Variants in RDH11 observed in about 807,000 individuals in gnomAD.
RDH11 encodes retinol dehydrogenase 11, also known as HCV core-binding protein HCBP12.
RDH11 carries 19 observed loss-of-function variants against 33.4 expected under a neutral mutation model. The observed-to-expected ratio is 0.57, with a 90% CI of 0.40 to 0.83. RDH11 has a LOEUF of 0.83. RDH11 is among the 40% of genes least tolerant of loss of function. RDH11 has a pLI of 0.00. For missense variants in RDH11, 353 were observed against 389.0 expected, an observed-to-expected ratio of 0.91 and a Z score of 0.78; for synonymous variants, 154 against 155.3, an observed-to-expected ratio of 0.99 and a Z score of 0.06.
Position 67,690,341 on chromosome 14 carries a change from C to A in RDH11, c.535G>T (p.Ala179Ser), listed in dbSNP as rs756459888. The change falls in exon 5 of 7, where the codon GCA becomes TCA. Residue 179 changes from alanine to serine, a missense_variant. Physicochemically the swap from Ala to Ser is moderately conservative, Grantham distance 99 (BLOSUM62 1). Coordinates refer to ENST00000381346, the MANE Select transcript of RDH11 (RefSeq NM_016026.4). ...AAGTGGATCCTTCCCAGGTGATGTG[C>A]GAGGGAAGACACATTTACTATCCTT... ...PSRIVNVSSLAHHLGRIHFHN... is the reference protein window; with the variant it reads ...PSRIVNVSSLSHHLGRIHFHN... 6 of 1,614,084 alleles carry A rather than the reference C, an allele frequency of 3.7e-6. No homozygotes were observed. The highest frequency in any genetic ancestry group is 1.1e-5 in the South Asian group (1 of 91,084).
At chr14:67,687,836 T>C (rs1362866377) in intron 5 of RDH11, among the ~76,000 whole-genome samples, 6 of 151,028 alleles carry the variant, frequency 4.0e-5, no homozygotes, top group Middle Eastern at 3.2e-3. Flanking sequence ...TGCAATGGCA[T>C]GATCTTGGCT....
At chr14:67,690,166 G>C in intron 5 of RDH11, 46 bp downstream of exon 5, 4 of 1,547,628 alleles carry the variant, frequency 2.6e-6, no homozygotes, top group Non-Finnish European at 3.6e-6. Flanking sequence ...GCTTTTACCT[G>C]CCTCTCTCTG....
intron 1 of RDH11, 89 bp downstream of exon 1, chr14:67,695,541 T>A: frequency 7.5e-7 from 1 of 1,336,376 alleles, no homozygotes; most frequent in Non-Finnish European, 1.0e-6. Context: ...CCCAGGGGAG[T>A]TTTCCAAGAA....
At chr14:67,694,710 A>C (rs534395081) in intron 1 of RDH11, among the ~76,000 whole-genome samples, 1 of 152,196 alleles carries the variant, frequency 6.6e-6, no homozygotes, top group Admixed American at 6.5e-5. Context: ...AGGCAGAAAA[A>C]ATATAACTGG....
intron 5 of RDH11, chr14:67,685,956 G>C (rs1319801599): frequency 6.6e-6 from 1 of 152,104 alleles, no homozygotes; most frequent in Non-Finnish European, 1.5e-5. Context: ...GCCACTTCTG[G>C]TTTTCCTAAC....
In RDH11 at chr14:67,695,739, C is replaced by G. The variant is rs778004133; in HGVS notation, c.-36G>C. The G allele has an allele frequency of 3.1e-6, 5 of 1,601,366 alleles. No individual in the cohort carries two copies. In the East Asian group the frequency reaches 8.9e-5, roughly 29 times the overall value. On this transcript the variant is annotated 5_prime_UTR_variant, in exon 1 of 7. Transcript: ENST00000381346. ...TGCAGCGGCACCAGAGCGGGATGCT[C>G]CAGCGTTGCTCGCCGACTATGGCTT... is the stretch of plus-strand genomic sequence containing the variant.
intron 6 of RDH11, 109 bp from the exon 7 acceptor site, chr14:67,678,532 T>C: frequency 1.5e-6 from 1 of 674,278 alleles, no homozygotes; most frequent in South Asian, 1.7e-5. Context: ...ATGTTCTCCA[T>C]GTACTTCACA....
chr14:67,695,292 G>C (rs2037815795), intron 1 of RDH11, among the ~76,000 whole-genome samples: 1 of 152,170 alleles, frequency 6.6e-6, no homozygotes, highest in Non-Finnish European at 1.5e-5. Flanking sequence ...ACAGCGTCGG[G>C]CCATATCCCA....
chr14:67,690,208 C>T lies in RDH11; in HGVS notation c.664+4G>A. On this transcript the variant is annotated splice_donor_region_variant and intron_variant, in intron 5 of 6. Coordinates refer to ENST00000381346, the MANE Select transcript of RDH11 (RefSeq NM_016026.4). Reference sequence around the variant, plus strand: ...GTCTCCACATTCATTTCCTCTAGGCCCACCTTTTAGTCTCCGGGCCAGTTC... The same window carrying T: ...GTCTCCACATTCATTTCCTCTAGGCTCACCTTTTAGTCTCCGGGCCAGTTC... The T allele has an allele frequency of 6.2e-7, 1 of 1,612,222 alleles. No homozygotes were observed. Among genetic ancestry groups the T allele is most frequent in the Non-Finnish European group, 8.5e-7 (1 of 1,179,486 alleles).
At chr14:67,680,484 T>C (rs960043799) in intron 6 of RDH11, among the ~76,000 whole-genome samples, 7 of 152,196 alleles carry the variant, frequency 4.6e-5, no homozygotes, top group South Asian at 2.1e-4. Context: ...TTGTTTTTTT[T>C]AGACAGGGTC....
chr14:67,695,019 C>A (rs973487580), intron 1 of RDH11, among the ~76,000 whole-genome samples: 1 of 152,198 alleles, frequency 6.6e-6, no homozygotes, highest in Non-Finnish European at 1.5e-5. Flanking sequence ...TCTCCCAGCC[C>A]TCACCGCCCC....
At chr14:67,682,210 T>A (rs1217327256) in intron 6 of RDH11, among the ~76,000 whole-genome samples, 1 of 152,186 alleles carries the variant, frequency 6.6e-6, no homozygotes, top group Admixed American at 6.5e-5. Context: ...TGACCTTGGG[T>A]AAGGCAATGA....
At chr14:67,691,095 G>T in intron 4 of RDH11, 45 bp downstream of exon 4, 1 of 1,310,990 alleles carries the variant, frequency 7.6e-7, no homozygotes, top group South Asian at 1.2e-5. Flanking sequence ...TTCCCAAAGA[G>T]AATTTTGGGT....
At chr14:67,695,299 C>G (rs1419593161) in intron 1 of RDH11, among the ~76,000 whole-genome samples, 1 of 152,200 alleles carries the variant, frequency 6.6e-6, no homozygotes, top group Non-Finnish European at 1.5e-5. Flanking sequence ...CGGGCCATAT[C>G]CCATTGAAGA....
chr14:67,682,367 A>G (rs889306402), intron 6 of RDH11, among the ~76,000 whole-genome samples: 4 of 152,228 alleles, frequency 2.6e-5, no homozygotes, highest in African/African-American at 9.6e-5. Context: ...ATATCTGACA[A>G]GGAACTCGCA....
intron 5 of RDH11, among the ~76,000 whole-genome samples, chr14:67,687,807 C>T (rs575097004): frequency 7.0e-6 from 1 of 141,856 alleles, no homozygotes; most frequent in East Asian, 2.1e-4. Context: ...GAGTTTTACT[C>T]GTGACGCCCA....
intron 1 of RDH11, 101 bp downstream of exon 1, chr14:67,695,529 C>T: frequency 8.4e-7 from 1 of 1,187,208 alleles, no homozygotes; most frequent in Non-Finnish European, 1.2e-6. Context: ...TCTTGGAGCC[C>T]CCCCAGGGGA....
Position 67,685,019 on chromosome 14 carries a change from A to T in RDH11, c.850T>A (p.Phe284Ile). 6.2e-7 allele frequency: 1 copy of T among 1,607,162 alleles called. No homozygotes were observed. The highest frequency in any genetic ancestry group is 8.5e-7 in the Non-Finnish European group (1 of 1,177,520). ...EGLEILSGNH[F>I]SDCHVAWVSA... ...AAAAAGAGATAACATTCATACCTGA[A>T]ATGATTCCCACTTAGAATCTCAAGA... The change falls in exon 6 of 7, where the codon TTC becomes ATC. Residue 284 changes from phenylalanine (F) to isoleucine (I), a missense_variant. Transcript: ENST00000381346.
At chr14:67,691,569 C>A in intron 3 of RDH11, 1 of 222,626 alleles carries the variant, frequency 4.5e-6, no homozygotes, top group Non-Finnish European at 8.9e-6. Context: ...TGGAAAGATT[C>A]CAAAGCAAGA....
Sources: allele counts gnomAD v4.1 joint callset (sites outside exome capture counted in the v4.1 genomes callset), GRCh38; gene constraint gnomAD v4.1.1; transcripts MANE v1.5; gene names NCBI Gene and HGNC (gene_info 2026-07-23, HGNC 2026-07-21).